The following SESTD1 variants were observed in gnomAD, a reference collection of about 807,000 sequenced individuals.
The protein encoded by SESTD1 is SEC14 domain and spectrin repeat-containing protein 1.
SESTD1 carries 43 observed loss-of-function variants against 101.7 expected under a neutral mutation model. That is an observed-to-expected ratio of 0.42 (90% CI 0.33 to 0.55). SESTD1 has a LOEUF of 0.55. Ranked by LOEUF, SESTD1 falls within the 20% of genes least tolerant of loss-of-function variation. The probability of loss-of-function intolerance (pLI) is 0.07; values close to 1 mark genes in which losing one functional copy is unlikely to be tolerated. For missense variants in SESTD1, 647 were observed against 815.1 expected (o/e 0.79, Z 2.51); for synonymous variants, 283 against 286.8 (o/e 0.99, Z 0.13).
chr2:179,176,683 T>C (rs769390557), intron 3 of SESTD1, 145 bp from the exon 4 acceptor site: 3 of 507,706 alleles, frequency 5.9e-6, no homozygotes, highest in East Asian at 3.3e-5. Context: ...ATAAATAAAA[T>C]TCTTGAGAGT....
chr2:179,112,929 AAG>A (rs561445726), intron 16 of SESTD1, 84 bp from the exon 17 acceptor site: 9 of 1,462,656 alleles, frequency 6.2e-6, no homozygotes, highest in Non-Finnish European at 6.3e-6. Flanking sequence ...CACAAAAAAA[AAG>A]AGAGAAAAGA....
intron 7 of SESTD1, among the ~76,000 whole-genome samples, chr2:179,147,890 A>C (rs951047820): frequency 6.6e-6 from 1 of 152,234 alleles, no homozygotes; most frequent in African/African-American, 2.4e-5. Context: ...TTCAGAAAAC[A>C]AGTCCAGCTA....
chr2:179,145,165 A>G (rs1323745318), intron 8 of SESTD1, among the ~76,000 whole-genome samples: 1 of 152,218 alleles, frequency 6.6e-6, no homozygotes, highest in Admixed American at 6.5e-5. Flanking sequence ...ATATATATTC[A>G]TAAAAGCTAT....
intron 1 of SESTD1, among the ~76,000 whole-genome samples, chr2:179,221,860 C>CA (rs1402927809): frequency 6.6e-6 from 1 of 151,686 alleles, no homozygotes; most frequent in Non-Finnish European, 1.5e-5. Flanking sequence ...GTCAAGGCTG[C>CA]AGTGAGCCAT....
chr2:179,182,283 C>T (rs569015793), intron 3 of SESTD1, among the ~76,000 whole-genome samples: 112 of 152,044 alleles, frequency 7.4e-4, no homozygotes, highest in Non-Finnish European at 1.3e-3. Flanking sequence ...CACACAGAAA[C>T]CTGCCCTCAT....
chr2:179,177,770 A>G (rs919550302), intron 3 of SESTD1, among the ~76,000 whole-genome samples: 3 of 152,236 alleles, frequency 2.0e-5, no homozygotes, highest in African/African-American at 7.2e-5. Context: ...AATAATTCAT[A>G]ATAGCTGAAG....
intron 10 of SESTD1, among the ~76,000 whole-genome samples, chr2:179,128,039 C>G (rs10188759): frequency 0.3 from 45,133 of 152,060 alleles, 7,122 homozygotes; most frequent in South Asian, 0.43. Flanking sequence ...CTTTTCAGAG[C>G]TACCAGCATT....
At chr2:179,229,443 T>A (rs2046941751) in intron 1 of SESTD1, among the ~76,000 whole-genome samples, 1 of 152,068 alleles carries the variant, frequency 6.6e-6, no homozygotes, top group African/African-American at 2.4e-5. Context: ...CCACAGGTCT[T>A]CCCAGGTCTC....
chr2:179,147,231 A>G (rs2045414960), intron 7 of SESTD1, among the ~76,000 whole-genome samples: 1 of 152,048 alleles, frequency 6.6e-6, no homozygotes, highest in Non-Finnish European at 1.5e-5. Flanking sequence ...GGTTTAAAGG[A>G]AACTAAGCAA....
Position 179,215,875 on chromosome 2 carries a change from A to G in SESTD1, c.-25-24009T>C, listed in dbSNP as rs114083418. On this transcript the variant is annotated intron_variant, in intron 1 of 17. Transcript: ENST00000428443. ...AAACGTAATCCATCACATAAACAGT[A>G]CCAACAACAAAAACCACATGATTAT... Among the ~76,000 whole-genome samples the G allele has an allele frequency of 5.7e-3, 767 of 135,282 alleles. 188 individuals are homozygous for G. The highest frequency in any genetic ancestry group is 0.021 in the African/African-American group (728 of 34,324). 88.8% of individuals were successfully genotyped at this position (135,282 alleles called of 152,430 possible).
intron 1 of SESTD1, among the ~76,000 whole-genome samples, chr2:179,238,384 C>T (rs2047099887): frequency 6.6e-6 from 1 of 152,022 alleles, no homozygotes; most frequent in South Asian, 2.1e-4. Flanking sequence ...TTCTCATGGC[C>T]TTAGAAATCC....
chr2:179,199,067 A>T (rs2046454905), intron 1 of SESTD1, among the ~76,000 whole-genome samples: 9 of 152,196 alleles, frequency 5.9e-5, no homozygotes, highest in Admixed American at 3.9e-4. Context: ...AGCAAGACTA[A>T]TAAAGAAAAA....
chr2:179,236,834 T>C (rs933030247), intron 1 of SESTD1, among the ~76,000 whole-genome samples: 1 of 151,494 alleles, frequency 6.6e-6, no homozygotes, highest in African/African-American at 2.4e-5. Context: ...CAATCATGAG[T>C]TGGGACCAAA....
chr2:179,197,764 G>C (rs1456184042), intron 1 of SESTD1, among the ~76,000 whole-genome samples: 4 of 152,060 alleles, frequency 2.6e-5, no homozygotes, highest in African/African-American at 7.2e-5. Flanking sequence ...AATGCTGAGA[G>C]ATTTTGTCAC....
At chr2:179,192,939 T>C (rs1157129720) in intron 1 of SESTD1, among the ~76,000 whole-genome samples, 1 of 152,200 alleles carries the variant, frequency 6.6e-6, no homozygotes, top group Non-Finnish European at 1.5e-5. Flanking sequence ...TTATTGTATT[T>C]AGTGAAAGCA....
chr2:179,214,665 C>T (rs1311492339), intron 1 of SESTD1, among the ~76,000 whole-genome samples: 1 of 135,136 alleles, frequency 7.4e-6, no homozygotes, highest in African/African-American at 2.9e-5. Flanking sequence ...AACTCTCCAT[C>T]CCAAATCAAC....
chr2:179,252,939 T>C (rs1358860496), intron 1 of SESTD1, among the ~76,000 whole-genome samples: 1 of 152,136 alleles, frequency 6.6e-6, no homozygotes, highest in African/African-American at 2.4e-5. Context: ...TCTTCCTCCC[T>C]TCCAACCCCC....
chr2:179,197,926 A>G (rs1433307049), intron 1 of SESTD1, among the ~76,000 whole-genome samples: 1 of 152,114 alleles, frequency 6.6e-6, no homozygotes, highest in Admixed American at 6.5e-5. Flanking sequence ...ACCAGCTAAC[A>G]TCATAATGAC....
At chr2:179,231,717 C>T (rs1465844456) in intron 1 of SESTD1, among the ~76,000 whole-genome samples, 6 of 101,002 alleles carry the variant, frequency 5.9e-5, no homozygotes, top group African/African-American at 1.6e-4. Context: ...GACCAAAAAG[C>T]TAAAAAAAAA....
Sources: gnomAD v4.1 joint callset for allele counts (sites outside exome capture counted in the v4.1 genomes callset) on GRCh38, gnomAD v4.1.1 for gene constraint, MANE v1.5 for transcripts, NCBI Gene and HGNC (gene_info 2026-07-23, HGNC 2026-07-21) for gene names.